NRG3: variants seen among roughly 807,000 people sequenced by gnomAD.
NRG3 encodes pro-neuregulin-3, membrane-bound isoform.
In NRG3, 31 loss-of-function variants were observed where a neutral mutation model predicts 66.9. The observed-to-expected ratio is 0.46, with a 90% CI of 0.35 to 0.63. The LOEUF is 0.63. Among genes scored for constraint, NRG3 ranks in the 20% least tolerant of loss-of-function variants. The pLI is 0.00. For synonymous variants in NRG3, 393 were observed against 359.4 expected, an observed-to-expected ratio of 1.09 and a Z score of -1.06; for missense variants, 910 against 878.9, an observed-to-expected ratio of 1.04 and a Z score of -0.45.
At chr10:82,535,085 G>T (rs1043444090) in intron 2 of NRG3, among the ~76,000 whole-genome samples, 1 of 150,534 alleles carries the variant, frequency 6.6e-6, no homozygotes, top group Non-Finnish European at 1.5e-5. Context: ...AACCCAGGAG[G>T]TGGAGGCTGC....
rs557789395 is a variant in NRG3, at chr10:81,979,238, C to T, written c.823+103075C>T. On this transcript the variant is annotated intron_variant, in intron 1 of 8. Transcript: ENST00000372141. ...TTTCCTGTCTGTCTGAATTCAGGAA[C>T]CCCAGGTAACTTTGTGTCAATGTTA... 1.1e-4 allele frequency among the ~76,000 whole-genome samples: 17 copies of T among 151,300 alleles called. No homozygotes were observed. The South Asian group carries it at 3.2e-3, about 28-fold the overall frequency.
At chr10:82,441,706 A>G (rs1426302892) in intron 2 of NRG3, among the ~76,000 whole-genome samples, 3 of 152,200 alleles carry the variant, frequency 2.0e-5, no homozygotes, top group Non-Finnish European at 4.4e-5. Flanking sequence ...AGGGTGGTGT[A>G]TTAATAACAG....
In NRG3 at chr10:82,843,900, T is replaced by C. The variant is rs148342705; in HGVS notation, c.1028-21511T>C. Among the ~76,000 whole-genome samples the C allele has an allele frequency of 3.9e-3, 590 of 152,318 alleles. 4 individuals carry two copies. The highest frequency in any genetic ancestry group is 5.4e-3 in the Non-Finnish European group (370 of 68,032). On this transcript the variant is annotated intron_variant, in intron 3 of 8. Coordinates refer to ENST00000372141, the MANE Select transcript of NRG3 (RefSeq NM_001010848.4). ...AAGATGATATCCAGCCGTTAACCAA[T>C]ATAAACCTATCTACATAGCAACTAA...
chr10:82,066,417 A>G (rs931431575), intron 1 of NRG3, among the ~76,000 whole-genome samples: 2 of 152,150 alleles, frequency 1.3e-5, no homozygotes, highest in African/African-American at 4.8e-5. Flanking sequence ...TGCCTATGGG[A>G]TTTGCAATCT....
At chr10:82,379,732 A>T (rs1440042867) in intron 2 of NRG3, among the ~76,000 whole-genome samples, 2 of 152,126 alleles carry the variant, frequency 1.3e-5, no homozygotes, top group African/African-American at 4.8e-5. Context: ...TGTATATTAC[A>T]TTTGAAGCTC....
intron 1 of NRG3, among the ~76,000 whole-genome samples, chr10:82,270,649 A>G (rs1421051401): frequency 6.6e-6 from 1 of 152,110 alleles, no homozygotes; most frequent in Non-Finnish European, 1.5e-5. Flanking sequence ...CCGAAGGTAT[A>G]GCAAAATGGT....
At position 82,878,437 on chromosome 10, in the gene NRG3, A is replaced by T. The variant is rs1275912681; in HGVS notation, c.1054+13000A>T. Among the ~76,000 whole-genome samples, 3 of 152,318 alleles carry T rather than the reference A, an allele frequency of 2.0e-5. No homozygotes were observed. The East Asian group carries it at 5.8e-4, about 29-fold the overall frequency. On this transcript the variant is annotated intron_variant, in intron 4 of 8. Coordinates refer to ENST00000372141, the MANE Select transcript of NRG3 (RefSeq NM_001010848.4). Reference sequence around the variant, plus strand: ...CGCAGAATCCTAGCTAATGGAACAAACTTGGGATTTTACTTCAAATATTCA... The same window carrying T: ...CGCAGAATCCTAGCTAATGGAACAATCTTGGGATTTTACTTCAAATATTCA...
rs111841349 is a variant in NRG3, at chr10:82,311,127, A to C, written c.824-47612A>C. Among the ~76,000 whole-genome samples the C allele has an allele frequency of 4.2e-4, 60 of 144,174 alleles. 1 individual carries two copies. The highest frequency in any genetic ancestry group is 1.6e-3 in the African/African-American group (58 of 36,300). The allele number at this position is 144,174 out of a possible 152,430, so 94.6% of individuals were successfully genotyped here. A position where few individuals can be genotyped will look rare whatever the true frequency, so the allele number is the denominator to read the frequency against. ...CTCTGAGTTGCTCTAAGATTGAGCC[A>C]AATGAGAGTGACAGTTCTTTCTGGC... is the stretch of plus-strand genomic sequence containing the variant. On this transcript the variant is annotated intron_variant, in intron 1 of 8. Transcript: ENST00000372141.
intron 1 of NRG3, among the ~76,000 whole-genome samples, chr10:81,950,368 T>A (rs1018622308): frequency 6.6e-6 from 1 of 152,202 alleles, no homozygotes; most frequent in Admixed American, 6.5e-5. Flanking sequence ...TTAAGGTATT[T>A]TGTTTTCTGT....
At chr10:82,481,567 A>G (rs927598712) in intron 2 of NRG3, among the ~76,000 whole-genome samples, 4 of 152,322 alleles carry the variant, frequency 2.6e-5, no homozygotes, top group East Asian at 3.9e-4. Context: ...AACATTGCTA[A>G]TCTGTTTTTG....
rs73316148 is a variant in NRG3, at chr10:82,376,458, A to G, written c.953+17590A>G. ...TTATGAACACATTTATCACAATGGTAGAATACAAAATAGGTATTTCACCCT... is the reference window on the plus strand; with the variant it reads ...TTATGAACACATTTATCACAATGGTGGAATACAAAATAGGTATTTCACCCT... On this transcript the variant is annotated intron_variant, in intron 2 of 8. Coordinates refer to ENST00000372141, the MANE Select transcript of NRG3 (RefSeq NM_001010848.4). Among the ~76,000 whole-genome samples the G allele has an allele frequency of 5.6e-3, 853 of 152,336 alleles. 8 individuals are homozygous for G. Among genetic ancestry groups the G allele is most frequent in the African/African-American group, 0.02 (822 of 41,570 alleles).
intron 2 of NRG3, among the ~76,000 whole-genome samples, chr10:82,681,130 A>G (rs964830679): frequency 6.6e-6 from 1 of 152,226 alleles, no homozygotes; most frequent in Non-Finnish European, 1.5e-5. Context: ...GTGATAAAAA[A>G]TCATGTGAGG....
intron 1 of NRG3, among the ~76,000 whole-genome samples, chr10:81,982,455 A>C (rs1258160638): frequency 6.6e-6 from 1 of 152,180 alleles, no homozygotes; most frequent in Non-Finnish European, 1.5e-5. Flanking sequence ...CCACATTTTT[A>C]GGTGTTCAGT....
intron 3 of NRG3, among the ~76,000 whole-genome samples, chr10:82,755,120 T>A (rs1329119075): frequency 6.6e-6 from 1 of 152,012 alleles, no homozygotes; most frequent in East Asian, 1.9e-4. Flanking sequence ...GTAGTTTGAG[T>A]TTTTTTCCTG....
intron 3 of NRG3, among the ~76,000 whole-genome samples, chr10:82,823,370 C>A (rs1051901455): frequency 3.9e-5 from 6 of 152,122 alleles, no homozygotes; most frequent in Non-Finnish European, 7.4e-5. Context: ...CTTTGGGAAC[C>A]AGGATATGGG....
rs554187525 is a variant in NRG3 at position 82,208,970 on chromosome 10, TACAACTACATGAC to T, written c.824-149768_824-149756del. On this transcript the variant is annotated intron_variant, in intron 1 of 8. Coordinates refer to ENST00000372141, the MANE Select transcript of NRG3 (RefSeq NM_001010848.4). ...GGGACTGCACCAGAATCTCTCTTCT[TACAACTACATGAC>T]GTTGAGAGGAGAGCTTGAGAGAAGA... Among the ~76,000 whole-genome samples the T allele has an allele frequency of 2.9e-3, 436 of 152,164 alleles. 1 individual carries two copies. The highest frequency in any genetic ancestry group is 4.6e-3 in the Non-Finnish European group (315 of 68,004).
chr10:81,924,799 A>G (rs1359980278), intron 1 of NRG3, among the ~76,000 whole-genome samples: 1 of 152,184 alleles, frequency 6.6e-6, no homozygotes, highest in Admixed American at 6.5e-5. Flanking sequence ...GCCAGCATCC[A>G]TAACAATGTG....
chr10:82,268,219 A>C (rs535192242), intron 1 of NRG3, among the ~76,000 whole-genome samples: 95 of 152,230 alleles, frequency 6.2e-4, no homozygotes, highest in African/African-American at 2.1e-3. Context: ...TTTATTTTAC[A>C]GGGGTACTAT....
chr10:81,923,976 T>C (rs1227282603), intron 1 of NRG3, among the ~76,000 whole-genome samples: 5 of 152,180 alleles, frequency 3.3e-5, no homozygotes. Flanking sequence ...TCTGCAGCAC[T>C]GAAATAGGTG....
Sources: gnomAD v4.1 joint callset for allele counts (sites outside exome capture counted in the v4.1 genomes callset) on GRCh38, gnomAD v4.1.1 for gene constraint, MANE v1.5 for transcripts, NCBI Gene and HGNC (gene_info 2026-07-23, HGNC 2026-07-21) for gene names.